Variants in ALOX5AP observed in about 807,000 individuals in gnomAD.
The protein encoded by ALOX5AP is arachidonate 5-lipoxygenase-activating protein.
ALOX5AP carries 9 observed loss-of-function variants against 18.5 expected under a neutral mutation model. The ratio of observed to expected loss-of-function variants is 0.49; its 90% confidence interval spans 0.29 to 0.85. The LOEUF (loss-of-function observed/expected upper bound fraction) is 0.85, where lower values mean the gene tolerates loss of function less well. Ranked by LOEUF, ALOX5AP falls within the 40% of genes least tolerant of loss-of-function variation. The pLI is 0.08. For missense variants in ALOX5AP, 172 were observed against 202.5 expected, an observed-to-expected ratio of 0.85 and a Z score of 0.91; for synonymous variants, 81 against 78.6, an observed-to-expected ratio of 1.03 and a Z score of -0.16.
At chr13:30,721,301 A>G (rs17611300) in intron 1 of ALOX5AP, among the ~76,000 whole-genome samples, 9,381 of 152,266 alleles carry the variant, frequency 0.062, 418 homozygotes, top group Non-Finnish European at 0.098. Context: ...AGAATAGCCA[A>G]AATTAGCCAA....
intron 1 of ALOX5AP, among the ~76,000 whole-genome samples, chr13:30,714,561 A>G (rs1225538913): frequency 1.3e-5 from 1 of 79,482 alleles, no homozygotes; most frequent in Non-Finnish European, 2.2e-5. Flanking sequence ...GCCGCTGGCA[A>G]GAGAGCTTGG....
chr13:30,764,188 C>A lies in ALOX5AP; in HGVS notation c.*82C>A. On this transcript the variant is annotated 3_prime_UTR_variant, in exon 5 of 5. Transcript: ENST00000380490. ...TAATTCAGCTCTTGAGAGCATTCTG[C>A]TCTTCTTTAGATGGCTGTAAATCTA... The A allele has an allele frequency of 1.4e-6, 2 of 1,447,850 alleles. No homozygotes were observed. Among genetic ancestry groups the A allele is most frequent in the South Asian group, 1.3e-5 (1 of 74,164 alleles). 89.7% of individuals were successfully genotyped at this position (1,447,850 alleles called of 1,614,324 possible).
intron 1 of ALOX5AP, among the ~76,000 whole-genome samples, chr13:30,729,181 T>C (rs1445467562): frequency 1.3e-5 from 2 of 152,202 alleles, no homozygotes; most frequent in Admixed American, 6.5e-5. Context: ...TGGCTCATGC[T>C]TTTTGTGTTA....
rs760124781 is a variant in ALOX5AP, at chr13:30,756,019, C to T, written c.317C>T (p.Thr106Met). 13 of 1,613,864 alleles carry T rather than the reference C, an allele frequency of 8.1e-6. No homozygotes were observed. The highest frequency in any genetic ancestry group is 4.0e-5 in the African/African-American group (3 of 74,934). Residue 106 changes from threonine to methionine, a missense_variant, in exon 4 of 5, where the codon ACG (threonine) becomes ATG (methionine). Coordinates refer to ENST00000380490, the MANE Select transcript of ALOX5AP (RefSeq NM_001629.4). The part of the protein sequence containing the change: ...KYFVGYLGER[T>M]QSTPGYIFGK... The stretch of plus-strand genomic sequence containing the variant: ...TTTGTCGGTTACCTAGGAGAGAGAA[C>T]GCAGAGGTAGGTAACTGGGACTACT...
chr13:30,735,444 A>T, upstream of ALOX5AP: 1 of 1,236,822 alleles, frequency 8.1e-7, no homozygotes. Flanking sequence ...TAAAAAAAAA[A>T]AAAAAAAAAA....
At chr13:30,713,864 A>G (rs1157859966) in intron 1 of ALOX5AP, 1 of 1,413,556 alleles carries the variant, frequency 7.1e-7, no homozygotes, top group South Asian at 1.3e-5. Context: ...GTGCGCGCAC[A>G]CGCGCATGTG....
intron 2 of ALOX5AP, among the ~76,000 whole-genome samples, chr13:30,748,055 G>T (rs1951823112): frequency 6.6e-6 from 1 of 152,080 alleles, no homozygotes; most frequent in South Asian, 2.1e-4. Flanking sequence ...GAGTAGCTGG[G>T]ATTACAGCAT....
intron 1 of ALOX5AP, among the ~76,000 whole-genome samples, chr13:30,737,035 C>A (rs1951727603): frequency 6.6e-6 from 1 of 152,244 alleles, no homozygotes; most frequent in African/African-American, 2.4e-5. Context: ...GCAATGCCTG[C>A]AGTCTCTGCA....
chr13:30,754,179 C>T (rs551268850), intron 3 of ALOX5AP, among the ~76,000 whole-genome samples: 16 of 152,122 alleles, frequency 1.1e-4, no homozygotes, highest in South Asian at 6.2e-4. Flanking sequence ...GCGGAGGTTG[C>T]GGTGAACCAA....
chr13:30,760,327 C>G (rs1285391189), intron 4 of ALOX5AP, among the ~76,000 whole-genome samples: 3 of 151,980 alleles, frequency 2.0e-5, no homozygotes, highest in Non-Finnish European at 4.4e-5. Context: ...AACTCCTGAA[C>G]TCAAGCAATC....
intron 2 of ALOX5AP, among the ~76,000 whole-genome samples, chr13:30,747,860 C>T (rs1440426353): frequency 6.6e-6 from 1 of 152,086 alleles, no homozygotes; most frequent in Non-Finnish European, 1.5e-5. Flanking sequence ...ACCCTCATGT[C>T]GCTTCTCCCT....
At chr13:30,731,009 G>T (rs919082855), upstream of ALOX5AP, among the ~76,000 whole-genome samples, 17 of 152,258 alleles carry the variant, frequency 1.1e-4, no homozygotes, top group South Asian at 3.5e-3. Context: ...TACGGAGAGC[G>T]CTGGGAGCAG....
At chr13:30,744,676 G>C (rs1256207876) in intron 2 of ALOX5AP, among the ~76,000 whole-genome samples, 1 of 152,198 alleles carries the variant, frequency 6.6e-6, no homozygotes, top group Non-Finnish European at 1.5e-5. Flanking sequence ...ACATTAGCAG[G>C]TGCTTTCCCC....
chr13:30,761,730 C>G (rs933780202), intron 4 of ALOX5AP, among the ~76,000 whole-genome samples: 8 of 152,160 alleles, frequency 5.3e-5, no homozygotes, highest in Admixed American at 5.2e-4. Flanking sequence ...TTATAGAGTG[C>G]CACCTTCTAC....
chr13:30,749,028 G>A (rs1046679686), intron 2 of ALOX5AP, among the ~76,000 whole-genome samples: 1 of 152,208 alleles, frequency 6.6e-6, no homozygotes, highest in Non-Finnish European at 1.5e-5. Context: ...CCTGGATGGC[G>A]AGAGGGACTG....
At chr13:30,741,391 C>CTTTTTTTTTTTTT (rs34793607) in intron 1 of ALOX5AP, among the ~76,000 whole-genome samples, 1 of 128,776 alleles carries the variant, frequency 7.8e-6, no homozygotes, top group Non-Finnish European at 1.6e-5. Flanking sequence ...CTTGTTTTGT[C>CTTTTTTTTTTTTT]TTTTTTTTTT....
chr13:30,715,601 C>A (rs1216081915), intron 1 of ALOX5AP, among the ~76,000 whole-genome samples: 1 of 152,188 alleles, frequency 6.6e-6, no homozygotes, highest in Non-Finnish European at 1.5e-5. Context: ...TGGGAAGTCA[C>A]CCATTCCCCA....
chr13:30,754,660 G>A (rs1951878402), intron 3 of ALOX5AP, among the ~76,000 whole-genome samples: 1 of 152,234 alleles, frequency 6.6e-6, no homozygotes, highest in Admixed American at 6.5e-5. Flanking sequence ...ATAAAGTTTT[G>A]AAATCAGAAA....
chr13:30,717,520 T>C (rs1951559144), intron 1 of ALOX5AP, among the ~76,000 whole-genome samples: 1 of 152,202 alleles, frequency 6.6e-6, no homozygotes, highest in Non-Finnish European at 1.5e-5. Flanking sequence ...TTCCAACCAC[T>C]CCGCTCTTTG....
Sources: gnomAD v4.1 joint callset for allele counts (sites outside exome capture counted in the v4.1 genomes callset) on GRCh38, gnomAD v4.1.1 for gene constraint, MANE v1.5 for transcripts, NCBI Gene and HGNC (gene_info 2026-07-23, HGNC 2026-07-21) for gene names.